Variants in KCNJ3 observed in about 807,000 individuals in gnomAD.
KCNJ3 encodes potassium inwardly rectifying channel subfamily J member 3.
A neutral mutation model predicts 39.2 loss-of-function variants in KCNJ3; 4 were observed. The ratio of observed to expected loss-of-function variants is 0.10; its 90% CI spans 0.05 to 0.23. The LOEUF (loss-of-function observed/expected upper bound fraction) is 0.23, where lower values mean the gene tolerates loss of function less well. KCNJ3 is among the 10% of genes least tolerant of loss of function. The probability of loss-of-function intolerance (pLI) is 1.00; values close to 1 mark genes in which losing one functional copy is unlikely to be tolerated. For synonymous variants in KCNJ3, 230 were observed against 237.4 expected (o/e 0.97, Z 0.29); for missense variants, 276 against 634.9 (o/e 0.43, Z 6.08).
intron 1 of KCNJ3, among the ~76,000 whole-genome samples, chr2:154,703,237 A>T (rs1684940592): frequency 6.6e-6 from 1 of 152,108 alleles, no homozygotes; most frequent in African/African-American, 2.4e-5. Context: ...TAAAGTAAAC[A>T]TAAAATAAAC....
At chr2:154,756,449 A>T (rs1232341992) in intron 2 of KCNJ3, among the ~76,000 whole-genome samples, 1 of 152,110 alleles carries the variant, frequency 6.6e-6, no homozygotes, top group Non-Finnish European at 1.5e-5. Context: ...TGCTATGAGT[A>T]ATATTTTCAT....
chr2:154,856,706 T>A lies in KCNJ3; in HGVS notation c.*1393T>A, dbSNP rs1419266585. 1.3e-5 allele frequency: 2 copies of A among 152,166 alleles called. No homozygotes were observed. The highest frequency in any genetic ancestry group is 2.9e-5 in the Non-Finnish European group (2 of 68,018). The allele number at this position is 152,166 out of a possible 1,614,324, so 9.4% of individuals were successfully genotyped here. A position where few individuals can be genotyped will look rare whatever the true frequency, so the allele number is the denominator to read the frequency against. ...GATCCCTAGTCTACCCAAATAATTT[T>A]AACAGTACTGTTTTTTCTAATCCTG... On this transcript the variant is annotated 3_prime_UTR_variant, in exon 3 of 3. Coordinates refer to ENST00000295101, the MANE Select transcript of KCNJ3 (RefSeq NM_002239.4).
At chr2:154,849,899 T>A (rs4467223) in intron 2 of KCNJ3, among the ~76,000 whole-genome samples, 72,849 of 151,716 alleles carry the variant, frequency 0.48, 18,596 homozygotes, top group Non-Finnish European at 0.55. Context: ...TAGACTATGT[T>A]GCTTCTACCA....
At chr2:154,716,167 G>A (rs896247405) in intron 2 of KCNJ3, among the ~76,000 whole-genome samples, 1 of 151,722 alleles carries the variant, frequency 6.6e-6, no homozygotes, top group Non-Finnish European at 1.5e-5. Context: ...TGCGATCTCG[G>A]CTCACTGCAA....
rs16838238 is a variant in KCNJ3, at chr2:154,804,782, A to G, written c.920-49945A>G. Among the ~76,000 whole-genome samples, 449 of 152,284 alleles carry G rather than the reference A, an allele frequency of 2.9e-3. 4 individuals carry two copies. The highest frequency in any genetic ancestry group is 0.01 in the African/African-American group (435 of 41,580). On this transcript the variant is annotated intron_variant, in intron 2 of 2. Transcript: ENST00000295101. The stretch of plus-strand genomic sequence containing the variant: ...GTTGAAAGCTGGGTCAGTATCACCC[A>G]AAGCTGAGTTCCCAACTGGAGGAAG...
intron 1 of KCNJ3, among the ~76,000 whole-genome samples, chr2:154,700,776 C>T (rs762733136): frequency 4.1e-4 from 63 of 152,082 alleles, no homozygotes; most frequent in Non-Finnish European, 7.6e-4. Flanking sequence ...AAGATCTTAC[C>T]ATAATTATCC....
rs186412939 is a variant in KCNJ3 at position 154,844,750 on chromosome 2, G to A, written c.920-9977G>A. 7.7e-4 allele frequency among the ~76,000 whole-genome samples: 118 copies of A among 152,318 alleles called. 1 individual carries two copies. The highest frequency in any genetic ancestry group is 2.7e-3 in the African/African-American group (111 of 41,580). On this transcript the variant is annotated intron_variant, in intron 2 of 2. Transcript: ENST00000295101. ...AGGCTCCGTGGGTGTGGAACCCTCCGAGGCAGGCATGGGAGAGAATTACCT... is the reference window on the plus strand; with the variant it reads ...AGGCTCCGTGGGTGTGGAACCCTCCAAGGCAGGCATGGGAGAGAATTACCT...
rs1484669950 is a variant in KCNJ3 at position 154,772,741 on chromosome 2, C to T, written c.919+62922C>T. Among the ~76,000 whole-genome samples the T allele has an allele frequency of 2.0e-5, 3 of 151,718 alleles. No homozygotes were observed. The South Asian group carries it at 6.2e-4, about 32-fold the overall frequency. ...CTGGGAGTCATTCTGCATTATTGTC[C>T]TTAGACTTCTGTTTTCAGAGACCAT... On this transcript the variant is annotated intron_variant, in intron 2 of 2. Coordinates refer to ENST00000295101, the MANE Select transcript of KCNJ3 (RefSeq NM_002239.4).
At chr2:154,836,237 A>G (rs1249014624) in intron 2 of KCNJ3, among the ~76,000 whole-genome samples, 6 of 96,334 alleles carry the variant, frequency 6.2e-5, no homozygotes, top group Non-Finnish European at 1.4e-4. Context: ...AACAAAAAAA[A>G]AAACAAAAAA....
chr2:154,838,492 T>C (rs1687508168), intron 2 of KCNJ3, among the ~76,000 whole-genome samples: 1 of 152,106 alleles, frequency 6.6e-6, no homozygotes, highest in African/African-American at 2.4e-5. Flanking sequence ...CCTAGGGTAG[T>C]GAGGAGAATT....
At chr2:154,743,256 T>C (rs1685683897) in intron 2 of KCNJ3, among the ~76,000 whole-genome samples, 1 of 151,876 alleles carries the variant, frequency 6.6e-6, no homozygotes, top group Non-Finnish European at 1.5e-5. Flanking sequence ...CACACTGTTT[T>C]TATTACTGTA....
rs1353696625 is a variant in KCNJ3 at position 154,847,401 on chromosome 2, T to TA, written c.920-7325dup. Among the ~76,000 whole-genome samples the TA allele has an allele frequency of 4.6e-5, 7 of 152,308 alleles. No individual in the cohort carries two copies. The East Asian group carries it at 9.6e-4, about 21-fold the overall frequency. On this transcript the variant is annotated intron_variant, in intron 2 of 2. Transcript: ENST00000295101. The stretch of plus-strand genomic sequence containing the variant: ...AAGTACCTTAGAGAAGAAACAGCTA[T>TA]AGTCCTCATTTAATAATCCTCAGGG...
At chr2:154,811,411 C>A (rs1687005688) in intron 2 of KCNJ3, among the ~76,000 whole-genome samples, 1 of 152,126 alleles carries the variant, frequency 6.6e-6, no homozygotes, top group Non-Finnish European at 1.5e-5. Flanking sequence ...CTCCGCCTCC[C>A]AAGTAGCTGG....
chr2:154,787,365 A>C (rs1686549982), intron 2 of KCNJ3, among the ~76,000 whole-genome samples: 1 of 151,954 alleles, frequency 6.6e-6, no homozygotes. Flanking sequence ...CTTTTCGAAC[A>C]AAACCTTTAG....
At chr2:154,778,228 A>G (rs1021020608) in intron 2 of KCNJ3, among the ~76,000 whole-genome samples, 4 of 152,178 alleles carry the variant, frequency 2.6e-5, no homozygotes, top group African/African-American at 9.6e-5. Context: ...ACTGAAACTC[A>G]TATTTTGAAA....
At chr2:154,766,147 T>C (rs1299699764) in intron 2 of KCNJ3, among the ~76,000 whole-genome samples, 1 of 152,204 alleles carries the variant, frequency 6.6e-6, no homozygotes, top group Admixed American at 6.5e-5. Flanking sequence ...ACAATAGATA[T>C]TTCTTTCTGC....
intron 2 of KCNJ3, among the ~76,000 whole-genome samples, chr2:154,839,001 G>C (rs918087732): frequency 6.6e-6 from 1 of 152,098 alleles, no homozygotes; most frequent in Non-Finnish European, 1.5e-5. Context: ...CAACGTGCAG[G>C]TTTGATACAT....
intron 2 of KCNJ3, among the ~76,000 whole-genome samples, chr2:154,845,955 G>A (rs562071961): frequency 6.8e-6 from 1 of 147,370 alleles, no homozygotes; most frequent in African/African-American, 2.5e-5. Context: ...GGGCGTCACA[G>A]CGAGACTCTG....
intron 2 of KCNJ3, among the ~76,000 whole-genome samples, chr2:154,806,774 G>A (rs1363152926): frequency 6.6e-6 from 1 of 152,112 alleles, no homozygotes; most frequent in Admixed American, 6.6e-5. Context: ...CCTTCCTCAG[G>A]TTTCCAGATT....
Sources: gnomAD v4.1 joint callset for allele counts (sites outside exome capture counted in the v4.1 genomes callset) on GRCh38, gnomAD v4.1.1 for gene constraint, MANE v1.5 for transcripts, NCBI Gene and HGNC (gene_info 2026-07-23, HGNC 2026-07-21) for gene names.